The following GRAMD1B variants were observed in gnomAD, a reference collection of about 807,000 sequenced individuals.
GRAMD1B encodes GRAM domain containing 1B.
A neutral mutation model predicts 99.7 loss-of-function variants in GRAMD1B; 37 were observed. That is an observed-to-expected ratio of 0.37 (90% CI 0.29 to 0.49). The LOEUF is 0.49. GRAMD1B is among the 20% of genes least tolerant of loss of function. The pLI is 0.98. For synonymous variants in GRAMD1B, 427 were observed against 387.6 expected (o/e 1.10, Z -1.19); for missense variants, 888 against 1,009.2 (o/e 0.88, Z 1.63).
chr11:123,359,667 C>A (rs1946073179), intron 1 of GRAMD1B, among the ~76,000 whole-genome samples: 1 of 152,052 alleles, frequency 6.6e-6, no homozygotes, highest in Non-Finnish European at 1.5e-5. Context: ...CACCCAAGGC[C>A]CAGTATTGAA....
At chr11:123,541,155 T>A (rs770579701) in intron 2 of GRAMD1B, among the ~76,000 whole-genome samples, 9 of 152,060 alleles carry the variant, frequency 5.9e-5, no homozygotes, top group Non-Finnish European at 8.8e-5. Flanking sequence ...TTGTATTTTT[T>A]AGTACAGACG....
chr11:123,548,200 T>A (rs1945202590), intron 2 of GRAMD1B, among the ~76,000 whole-genome samples: 1 of 150,912 alleles, frequency 6.6e-6, no homozygotes, highest in Non-Finnish European at 1.5e-5. Context: ...AGCTTGTCAT[T>A]TGGCTACTTT....
At chr11:123,395,959 A>G (rs540437415) in intron 1 of GRAMD1B, among the ~76,000 whole-genome samples, 1 of 152,346 alleles carries the variant, frequency 6.6e-6, no homozygotes, top group African/African-American at 2.4e-5. Flanking sequence ...CAACTAGGAT[A>G]AAGACTAGAA....
rs994432768 is a variant in GRAMD1B at position 123,559,643 on chromosome 11, G to A, written c.453-17724G>A. On this transcript the variant is annotated intron_variant, in intron 2 of 19. Coordinates refer to ENST00000635736, the MANE Select transcript of GRAMD1B (RefSeq NM_001387025.1). ...AGAGAAAAAAAAAACACTTCTAAGA[G>A]GTGCAGCTTAGAATTAGAAGACCCA... The A allele has an allele frequency of 1.2e-4, 121 of 982,650 alleles. 1 individual carries two copies. The highest frequency in any genetic ancestry group is 5.2e-4 in the Middle Eastern group (1 of 1,910). The allele number at this position is 982,650 out of a possible 1,614,324, so 60.9% of individuals were successfully genotyped here.
chr11:123,526,118 A>G (rs1942706559), intron 2 of GRAMD1B: 2 of 1,608,876 alleles, frequency 1.2e-6, no homozygotes, highest in African/African-American at 1.3e-5. Flanking sequence ...GATGCTAAGG[A>G]CACGGTCAGT....
intron 2 of GRAMD1B, among the ~76,000 whole-genome samples, chr11:123,508,454 T>G (rs539046313): frequency 3.5e-4 from 53 of 152,316 alleles, no homozygotes; most frequent in African/African-American, 1.3e-3. Context: ...CAACATGAGT[T>G]TGGACACTCA....
At chr11:123,500,768 G>A (rs189815138) in intron 2 of GRAMD1B, among the ~76,000 whole-genome samples, 3 of 152,136 alleles carry the variant, frequency 2.0e-5, no homozygotes, top group African/African-American at 7.2e-5. Context: ...TGTCTCCCAG[G>A]GTTCAAGTGA....
At chr11:123,416,512 AC>A (rs1948237686) in intron 1 of GRAMD1B, among the ~76,000 whole-genome samples, 1 of 152,018 alleles carries the variant, frequency 6.6e-6, no homozygotes, top group African/African-American at 2.4e-5. Context: ...AAATAAATAA[AC>A]CTCTATTTTA....
At chr11:123,583,189 T>C (rs999206186) in intron 3 of GRAMD1B, among the ~76,000 whole-genome samples, 3 of 151,828 alleles carry the variant, frequency 2.0e-5, no homozygotes, top group South Asian at 2.1e-4. Context: ...TGTGTTTGTG[T>C]ATATGTGTGT....
chr11:123,407,901 C>A (rs926852735), intron 1 of GRAMD1B, among the ~76,000 whole-genome samples: 1 of 152,178 alleles, frequency 6.6e-6, no homozygotes, highest in Non-Finnish European at 1.5e-5. Context: ...AGACAATAGG[C>A]AAATGGCTCA....
At chr11:123,548,325 T>TATATATATACACACACACACACAC (rs1555067740) in intron 2 of GRAMD1B, among the ~76,000 whole-genome samples, 2 of 86,838 alleles carry the variant, frequency 2.3e-5, no homozygotes, top group Admixed American at 2.5e-4. Flanking sequence ...TATATATATA[T>TATATATATACACACACACACACAC]ACACACACAC....
At chr11:123,544,576 C>A (rs544038962) in intron 2 of GRAMD1B, among the ~76,000 whole-genome samples, 1 of 152,370 alleles carries the variant, frequency 6.6e-6, no homozygotes, top group African/African-American at 2.4e-5. Flanking sequence ...CTCCAACACC[C>A]ATTTCTTGCT....
chr11:123,410,591 C>T lies in GRAMD1B; in HGVS notation c.-176+51792C>T, dbSNP rs149233407. Among the ~76,000 whole-genome samples the T allele has an allele frequency of 3.7e-3, 560 of 152,204 alleles. 2 individuals are homozygous for T. The highest frequency in any genetic ancestry group is 0.013 in the African/African-American group (540 of 41,538). On this transcript the variant is annotated intron_variant, in intron 1 of 20. Coordinates refer to the GRAMD1B transcript ENST00000638157. ...CCCTTCTGTTTGTCCCTGCTCCACC[C>T]GCCAGTAGCACCTGCAGACCACATC...
intron 1 of GRAMD1B, among the ~76,000 whole-genome samples, chr11:123,477,376 G>A (rs1296632441): frequency 6.8e-6 from 1 of 147,000 alleles, no homozygotes; most frequent in Non-Finnish European, 1.5e-5. Flanking sequence ...ATGGAAAATG[G>A]AAATGAAAAT....
At chr11:123,446,594 TTC>T (rs989378270) in intron 1 of GRAMD1B, among the ~76,000 whole-genome samples, 4 of 152,190 alleles carry the variant, frequency 2.6e-5, no homozygotes, top group Non-Finnish European at 4.4e-5. Flanking sequence ...CACTGAAAAT[TTC>T]TCTCTCTCTG....
At chr11:123,394,730 T>C (rs80195744) in intron 1 of GRAMD1B, among the ~76,000 whole-genome samples, 8,444 of 152,286 alleles carry the variant, frequency 0.055, 304 homozygotes, top group Middle Eastern at 0.1. Flanking sequence ...ACAGACTAGG[T>C]AATTTACAAA....
intron 2 of GRAMD1B, among the ~76,000 whole-genome samples, chr11:123,549,555 T>A (rs1945411232): frequency 6.6e-6 from 1 of 151,270 alleles, no homozygotes; most frequent in Non-Finnish European, 1.5e-5. Flanking sequence ...AAAAAAAGAA[T>A]GATTGTGGAC....
intron 7 of GRAMD1B, chr11:123,598,533 G>T (rs2136663435): frequency 6.6e-7 from 1 of 1,525,352 alleles, no homozygotes; most frequent in Non-Finnish European, 9.1e-7. Context: ...GGTGCCCTTT[G>T]ACTTGGGATT....
intron 1 of GRAMD1B, among the ~76,000 whole-genome samples, chr11:123,447,377 C>T (rs963299457): frequency 3.3e-5 from 5 of 152,212 alleles, no homozygotes; most frequent in East Asian, 3.9e-4. Context: ...TACAGGTCTC[C>T]GGCAACCAGA....
Sources: gnomAD v4.1 joint callset for allele counts (sites outside exome capture counted in the v4.1 genomes callset) on GRCh38, gnomAD v4.1.1 for gene constraint, MANE v1.5 for transcripts, NCBI Gene and HGNC (gene_info 2026-07-23, HGNC 2026-07-21) for gene names.